Variants in ESCO1 observed in about 807,000 individuals in gnomAD.
The protein encoded by ESCO1 is establishment of sister chromatid cohesion N-acetyltransferase 1.
A neutral mutation model predicts 83.5 loss-of-function variants in ESCO1; 33 were observed. That is an observed-to-expected ratio of 0.40 (90% confidence interval 0.30 to 0.53). ESCO1 has a LOEUF of 0.53. Among genes scored for constraint, ESCO1 ranks in the 20% least tolerant of loss-of-function variants. The pLI is 0.63. For missense variants in ESCO1, 855 were observed against 968.0 expected (o/e 0.88, Z 1.55); for synonymous variants, 332 against 324.3 (o/e 1.02, Z -0.25).
At chr18:21,578,721 A>G (rs1160634955) in intron 2 of ESCO1, among the ~76,000 whole-genome samples, 3 of 152,196 alleles carry the variant, frequency 2.0e-5, no homozygotes, top group African/African-American at 7.2e-5. Flanking sequence ...TTTTTGAGAC[A>G]AAGTCTCGCT....
chr18:21,536,300 T>G (rs945083189), intron 9 of ESCO1, 115 bp from the exon 10 acceptor site: 16 of 1,209,134 alleles, frequency 1.3e-5, no homozygotes, highest in Middle Eastern at 2.8e-4. Context: ...CTCTAAAGAG[T>G]TCTTTTGGGC....
intron 11 of ESCO1, among the ~76,000 whole-genome samples, 176 bp downstream of exon 11, chr18:21,532,297 C>A (rs922921357): frequency 1.3e-5 from 2 of 152,170 alleles, no homozygotes; most frequent in Non-Finnish European, 2.9e-5. Context: ...TTCCTCCTCA[C>A]ATTACATTCT....
At chr18:21,530,879 T>C (rs1327199726) in intron 11 of ESCO1, among the ~76,000 whole-genome samples, 3 of 152,134 alleles carry the variant, frequency 2.0e-5, no homozygotes, top group Non-Finnish European at 2.9e-5. Flanking sequence ...CAATATTGTA[T>C]TGGAGGTTCT....
chr18:21,598,876 C>A (rs908860793), intron 1 of ESCO1, among the ~76,000 whole-genome samples: 3 of 152,120 alleles, frequency 2.0e-5, no homozygotes, highest in African/African-American at 7.2e-5. Flanking sequence ...AACAGTGATA[C>A]TCTGCATTCT....
chr18:21,590,718 G>C (rs1598480375), intron 1 of ESCO1, among the ~76,000 whole-genome samples: 2 of 152,052 alleles, frequency 1.3e-5, no homozygotes, highest in African/African-American at 2.4e-5. Context: ...GGGAGGCCGA[G>C]GTGGGCAGAT....
At chr18:21,548,029 G>A (rs1301073740) in intron 8 of ESCO1, among the ~76,000 whole-genome samples, 1 of 152,128 alleles carries the variant, frequency 6.6e-6, no homozygotes, top group African/African-American at 2.4e-5. Flanking sequence ...GTGAACCCAG[G>A]AGGTGGAGCT....
chr18:21,555,917 G>A (rs533544089), intron 8 of ESCO1, among the ~76,000 whole-genome samples: 4 of 152,104 alleles, frequency 2.6e-5, no homozygotes, highest in South Asian at 4.1e-4. Context: ...CTATGATTGC[G>A]CCACTGCATT....
chr18:21,595,649 C>T (rs565012604), intron 1 of ESCO1, among the ~76,000 whole-genome samples: 2 of 147,162 alleles, frequency 1.4e-5, no homozygotes, highest in African/African-American at 5.0e-5. Flanking sequence ...GCAGGGGCAA[C>T]AGAGCGAGAC....
intron 8 of ESCO1, among the ~76,000 whole-genome samples, chr18:21,560,140 T>G (rs2038163807): frequency 6.6e-6 from 1 of 152,244 alleles, no homozygotes; most frequent in South Asian, 2.1e-4. Flanking sequence ...TAAAAAGAGA[T>G]TCCATTTCAG....
intron 4 of ESCO1, among the ~76,000 whole-genome samples, chr18:21,568,902 CAAA>C (rs35472054): frequency 7.9e-5 from 8 of 101,734 alleles, no homozygotes; most frequent in South Asian, 3.1e-4. Context: ...GACTCCATCT[CAAA>C]AAAAAAAAAA....
At chr18:21,543,016 T>A (rs562141292) in intron 8 of ESCO1, among the ~76,000 whole-genome samples, 1 of 152,354 alleles carries the variant, frequency 6.6e-6, no homozygotes, top group African/African-American at 2.4e-5. Context: ...TCAGGACTAG[T>A]ATGTTACACA....
intron 9 of ESCO1, among the ~76,000 whole-genome samples, chr18:21,538,228 G>A (rs2037860682): frequency 6.6e-6 from 1 of 150,622 alleles, no homozygotes; most frequent in African/African-American, 2.4e-5. Context: ...GAGGCAGGAG[G>A]ATCCCTTGAG....
At chr18:21,589,175 G>A (rs1428631602) in intron 1 of ESCO1, among the ~76,000 whole-genome samples, 5 of 149,952 alleles carry the variant, frequency 3.3e-5, no homozygotes, top group Non-Finnish European at 7.4e-5. Flanking sequence ...GGAGGTAGAG[G>A]ATACAGTGAG....
At chr18:21,533,442 C>T (rs1439322425) in intron 10 of ESCO1, among the ~76,000 whole-genome samples, 2 of 152,002 alleles carry the variant, frequency 1.3e-5, no homozygotes, top group East Asian at 3.9e-4. Flanking sequence ...ATTACAGGCA[C>T]GCACCGCCAT....
intron 1 of ESCO1, among the ~76,000 whole-genome samples, chr18:21,597,831 A>G (rs2038787534): frequency 6.6e-6 from 1 of 152,198 alleles, no homozygotes; most frequent in Non-Finnish European, 1.5e-5. Flanking sequence ...TCCTTTAAGC[A>G]TTGTAATGCA....
chr18:21,556,892 G>T (rs1199619036), intron 8 of ESCO1, among the ~76,000 whole-genome samples: 1 of 152,052 alleles, frequency 6.6e-6, no homozygotes, highest in Non-Finnish European at 1.5e-5. Context: ...CTAGTGATGG[G>T]GTTTCACCAT....
intron 8 of ESCO1, among the ~76,000 whole-genome samples, chr18:21,554,894 T>C (rs1457527978): frequency 1.4e-5 from 2 of 146,902 alleles, no homozygotes; most frequent in Non-Finnish European, 3.0e-5. Context: ...GGGGACAGAG[T>C]GAGGCTCCGT....
In ESCO1 at chr18:21,600,551, C is replaced by T. The variant is rs149146906; in HGVS notation, c.-825+72G>A. ...TGGAACAGGAAGAGGGAGAACTGTC[C>T]GCTCCCTGAAGGGGCTGGCAAAAGA... On this transcript the variant is annotated intron_variant, in intron 1 of 11. Coordinates refer to ENST00000269214, the MANE Select transcript of ESCO1 (RefSeq NM_052911.3). 3.6e-3 allele frequency: 549 copies of T among 152,512 alleles called. 3 individuals carry two copies. Among genetic ancestry groups the T allele is most frequent in the Middle Eastern group, 6.7e-3 (2 of 298 alleles). The allele number at this position is 152,512 out of a possible 1,614,324, so 9.4% of individuals were successfully genotyped here.
At chr18:21,534,338 T>C (rs1276759478) in intron 10 of ESCO1, among the ~76,000 whole-genome samples, 1 of 152,060 alleles carries the variant, frequency 6.6e-6, no homozygotes, top group Admixed American at 6.6e-5. Context: ...CATAAATGAG[T>C]TAATATGCTA....
Sources: gnomAD v4.1 joint callset for allele counts (sites outside exome capture counted in the v4.1 genomes callset) on GRCh38, gnomAD v4.1.1 for gene constraint, MANE v1.5 for transcripts, NCBI Gene and HGNC (gene_info 2026-07-23, HGNC 2026-07-21) for gene names.